PDE12: variants seen among roughly 807,000 people sequenced by gnomAD.
PDE12 encodes the protein 2',5'-phosphodiesterase 12.
A neutral mutation model predicts 45.4 loss-of-function variants in PDE12; 26 were observed. The observed-to-expected ratio is 0.57, with a 90% CI of 0.42 to 0.79. The LOEUF (loss-of-function observed/expected upper bound fraction) is 0.79, where lower values mean the gene tolerates loss of function less well. Among genes scored for constraint, PDE12 ranks in the 30% least tolerant of loss-of-function variants. The pLI, the probability that PDE12 is intolerant of heterozygous loss-of-function variation, is 0.00. For missense variants in PDE12, 668 were observed against 790.0 expected, an observed-to-expected ratio of 0.85 and a Z score of 1.85; for synonymous variants, 283 against 323.9, an observed-to-expected ratio of 0.87 and a Z score of 1.36.
At chr3:57,589,545 C>T in the PDE12 span, among the ~76,000 whole-genome samples, 4 of 151,540 alleles carry the variant, frequency 2.6e-5, no homozygotes, top group African/African-American at 9.7e-5. Context: ...TGGTGAAACC[C>T]AGTCTCTACT....
chr3:57,633,492 T>A, the PDE12 span: 1 of 713,002 alleles, frequency 1.4e-6, no homozygotes, highest in South Asian at 2.0e-5. Flanking sequence ...TGAAGTAATT[T>A]AATGTGAAGT....
At chr3:57,629,179 G>A in the PDE12 span, among the ~76,000 whole-genome samples, 1 of 152,194 alleles carries the variant, frequency 6.6e-6, no homozygotes, top group Non-Finnish European at 1.5e-5. Flanking sequence ...AACTGTAACA[G>A]TAACCCCCAC....
chr3:57,601,481 G>A, the PDE12 span, among the ~76,000 whole-genome samples: 766 of 152,158 alleles, frequency 5.0e-3, 4 homozygotes, highest in African/African-American at 0.017. Context: ...AGTCCCTTGG[G>A]TTTAATAATG....
the PDE12 span, among the ~76,000 whole-genome samples, chr3:57,587,839 G>A: frequency 1.3e-5 from 2 of 152,158 alleles, no homozygotes; most frequent in African/African-American, 4.8e-5. Flanking sequence ...CAGTTTAATG[G>A]CTCACAGCAA....
the PDE12 span, among the ~76,000 whole-genome samples, chr3:57,647,430 C>T: frequency 6.6e-6 from 1 of 152,012 alleles, no homozygotes; most frequent in African/African-American, 2.4e-5. Flanking sequence ...ACCAGGGAGG[C>T]GTGTCAGAGC....
the PDE12 span, among the ~76,000 whole-genome samples, chr3:57,618,796 CAG>C: frequency 5.9e-5 from 9 of 151,424 alleles, no homozygotes; most frequent in African/African-American, 2.2e-4. Context: ...TTAGTAGAGA[CAG>C]GGTTTCACCA....
chr3:57,591,088 T>G, the PDE12 span, among the ~76,000 whole-genome samples: 1 of 152,176 alleles, frequency 6.6e-6, no homozygotes, highest in South Asian at 2.1e-4. Flanking sequence ...AACCTGAGTC[T>G]TGCAGAAAAA....
the PDE12 span, among the ~76,000 whole-genome samples, chr3:57,639,222 T>C: frequency 6.6e-6 from 1 of 152,210 alleles, no homozygotes; most frequent in African/African-American, 2.4e-5. Flanking sequence ...AACATCACCA[T>C]TTCAAACATT....
the PDE12 span, among the ~76,000 whole-genome samples, chr3:57,613,744 CA>C: frequency 6.6e-6 from 1 of 150,810 alleles, no homozygotes; most frequent in African/African-American, 2.4e-5. Flanking sequence ...ACTAAAAATA[CA>C]AAAAAATTAG....
chr3:57,641,130 T>C, the PDE12 span, among the ~76,000 whole-genome samples: 1 of 148,132 alleles, frequency 6.8e-6, no homozygotes, highest in Non-Finnish European at 1.5e-5. Flanking sequence ...TCTATATATA[T>C]AGAAAGTTCT....
Position 57,557,261 on chromosome 3 carries a change from C to T in PDE12, c.882C>T (p.Leu294=), listed in dbSNP as rs1457944921. The change falls in exon 1 of 3, where the codon CTC becomes CTT. Residue 294 remains leucine (L), a synonymous_variant. Coordinates refer to ENST00000311180, the MANE Select transcript of PDE12 (RefSeq NM_177966.7). ...LYTKKVTEDA[L]IRTVSYNILA... ...CGAAGAAGGTGACTGAGGACGCTCT[C>T]ATCCGCACTGTCTCTTACAACATCC... 6.2e-7 allele frequency: 1 copy of T among 1,613,946 alleles called. No homozygotes were observed. The highest frequency in any genetic ancestry group is 1.7e-5 in the Admixed American group (1 of 59,998).
At chr3:57,574,894 G>A in the PDE12 span, among the ~76,000 whole-genome samples, 4 of 148,352 alleles carry the variant, frequency 2.7e-5, no homozygotes, top group Admixed American at 6.7e-5. Flanking sequence ...TGTTGCCCAG[G>A]CTGGAGTGCA....
chr3:57,579,587 C>A, the PDE12 span, among the ~76,000 whole-genome samples: 2 of 152,100 alleles, frequency 1.3e-5, no homozygotes, highest in Admixed American at 1.3e-4. Context: ...CGCGCCCAGC[C>A]CCATCCTACA....
At chr3:57,637,917 C>G in the PDE12 span, among the ~76,000 whole-genome samples, 19 of 152,014 alleles carry the variant, frequency 1.2e-4, no homozygotes, top group East Asian at 3.5e-3. Flanking sequence ...GAGTGGATCA[C>G]GAGGTCAGGA....
At chr3:57,645,858 A>G in the PDE12 span, 1 of 738,574 alleles carries the variant, frequency 1.4e-6, no homozygotes, top group Admixed American at 3.0e-5. Context: ...ACAAAGGGAT[A>G]CTTTGTTTAT....
At position 57,561,370 on chromosome 3, in the gene PDE12, C is replaced by A. The variant is rs2069726190; in HGVS notation, c.*1366C>A. The A allele has an allele frequency of 8.1e-6, 8 of 984,394 alleles. No individual in the cohort carries two copies. Among genetic ancestry groups the A allele is most frequent in the Non-Finnish European group, 9.7e-6 (8 of 828,758 alleles). 61.0% of individuals were successfully genotyped at this position (984,394 alleles called of 1,614,324 possible). A position where few individuals can be genotyped will look rare whatever the true frequency, so the allele number is the denominator to read the frequency against. ...TAAGCATCTCTGAAATAAAAAACTTCTTTTTACAGACAAGCATTATAGTTT... is the reference window on the plus strand; with the variant it reads ...TAAGCATCTCTGAAATAAAAAACTTATTTTTACAGACAAGCATTATAGTTT... On this transcript the variant is annotated 3_prime_UTR_variant, in exon 3 of 3. Transcript: ENST00000311180.
chr3:57,559,280 TG>T, intron 1 of PDE12, 29 bp from the exon 2 acceptor site: 1 of 1,523,044 alleles, frequency 6.6e-7, no homozygotes, highest in Non-Finnish European at 9.0e-7. Context: ...AAATGCCAAC[TG>T]AACTCTTGGC....
chr3:57,646,769 C>T, the PDE12 span, among the ~76,000 whole-genome samples: 1 of 152,134 alleles, frequency 6.6e-6, no homozygotes, highest in African/African-American at 2.4e-5. Context: ...TGCTTTGATA[C>T]TTTGAATTTC....
chr3:57,587,682 C>T, the PDE12 span, among the ~76,000 whole-genome samples: 1 of 151,910 alleles, frequency 6.6e-6, no homozygotes, highest in Admixed American at 6.6e-5. Flanking sequence ...ATTTTACATA[C>T]TCATTTTACT....
Sources: allele counts gnomAD v4.1 joint callset (sites outside exome capture counted in the v4.1 genomes callset), GRCh38; gene constraint gnomAD v4.1.1; transcripts MANE v1.5; gene names NCBI Gene and HGNC (gene_info 2026-07-23, HGNC 2026-07-21).